The following MARCHF1 variants were observed in gnomAD, a reference collection of about 807,000 sequenced individuals.
The protein encoded by MARCHF1 is E3 ubiquitin-protein ligase MARCHF1.
A neutral mutation model predicts 54.2 loss-of-function variants in MARCHF1; 40 were observed. The ratio of observed to expected loss-of-function variants is 0.74; its 90% CI spans 0.57 to 0.96. The LOEUF (loss-of-function observed/expected upper bound fraction) is 0.96. Among genes scored for constraint, MARCHF1 ranks in the 40% least tolerant of loss-of-function variants. The pLI is 0.00. For synonymous variants in MARCHF1, 236 were observed against 236.3 expected (o/e 1.00, Z 0.01); for missense variants, 586 against 656.5 (o/e 0.89, Z 1.17).
intron 4 of MARCHF1, among the ~76,000 whole-genome samples, chr4:163,844,028 A>C (rs1399959153): frequency 1.3e-5 from 2 of 152,014 alleles, no homozygotes; most frequent in African/African-American, 4.8e-5. Flanking sequence ...GTTTTGTTAC[A>C]TAGCTACACT....
At chr4:163,680,506 CTCCCTGG>C (rs1744067879) in intron 5 of MARCHF1, among the ~76,000 whole-genome samples, 1 of 152,234 alleles carries the variant, frequency 6.6e-6, no homozygotes, top group African/African-American at 2.4e-5. Flanking sequence ...GGGGAATCTG[CTCCCTGG>C]AACACCAGCT....
At chr4:163,608,790 T>C (rs1472264921) in intron 7 of MARCHF1, among the ~76,000 whole-genome samples, 1 of 151,910 alleles carries the variant, frequency 6.6e-6, no homozygotes, top group Non-Finnish European at 1.5e-5. Flanking sequence ...TTTTTTGTGG[T>C]TGTGGCTGAG....
At chr4:164,324,955 A>C (rs768157763) in intron 1 of MARCHF1, among the ~76,000 whole-genome samples, 22 of 152,046 alleles carry the variant, frequency 1.4e-4, no homozygotes, top group Non-Finnish European at 2.2e-4. Flanking sequence ...ACGGAAGTTC[A>C]TATGAAAAAA....
At chr4:164,370,710 A>C (rs1024543368) in intron 1 of MARCHF1, among the ~76,000 whole-genome samples, 2 of 152,154 alleles carry the variant, frequency 1.3e-5, no homozygotes, top group African/African-American at 4.8e-5. Context: ...GGAGTTGGAG[A>C]CCAGCCTCAC....
rs191480529 is a variant in MARCHF1 at position 163,901,926 on chromosome 4, T to A, written c.-38-47757A>T. Among the ~76,000 whole-genome samples the A allele has an allele frequency of 4.1e-4, 62 of 152,302 alleles. 1 individual carries two copies. Among genetic ancestry groups the A allele is most frequent in the African/African-American group, 1.4e-3 (58 of 41,568 alleles). On this transcript the variant is annotated intron_variant, in intron 3 of 9. Coordinates refer to ENST00000514618, the MANE Select transcript of MARCHF1 (RefSeq NM_001394959.1). The stretch of plus-strand genomic sequence containing the variant: ...TGTTTAAAATTAATATGAAATAAAC[T>A]CCAAGTCTTGTGAATAATGGAATTA...
intron 2 of MARCHF1, among the ~76,000 whole-genome samples, chr4:164,001,770 A>G (rs1245505709): frequency 6.6e-6 from 1 of 151,888 alleles, no homozygotes; most frequent in Non-Finnish European, 1.5e-5. Flanking sequence ...GCAAAGAACC[A>G]GAGAGAAACG....
chr4:164,239,660 C>G lies in MARCHF1; in HGVS notation c.-322-127998G>C, dbSNP rs72987801. Among the ~76,000 whole-genome samples, 847 of 152,228 alleles carry G rather than the reference C, an allele frequency of 5.6e-3. 10 individuals carry two copies. The highest frequency in any genetic ancestry group is 0.02 in the African/African-American group (819 of 41,546). ...AATTTGAAAATGTCTGCTTACCCAT[C>G]TAAATGATGGACCCATCAACATTTC... On this transcript the variant is annotated intron_variant, in intron 1 of 9. Coordinates refer to ENST00000514618, the MANE Select transcript of MARCHF1 (RefSeq NM_001394959.1).
intron 5 of MARCHF1, among the ~76,000 whole-genome samples, chr4:163,670,808 GT>G (rs1743711261): frequency 6.6e-6 from 1 of 152,126 alleles, no homozygotes; most frequent in Non-Finnish European, 1.5e-5. Flanking sequence ...AAACACAAAT[GT>G]TTTTATTTTG....
rs374872263 is a variant in MARCHF1, at chr4:163,904,763, A to AGAGAGAC, written c.-38-50595_-38-50594insGTCTCTC. The stretch of plus-strand genomic sequence containing the variant: ...TTCAGTATGGTTTCCAGGAGAGAGA[A>AGAGAGAC]AGAGACAGAGACAGAGACAGAGAGA... On this transcript the variant is annotated intron_variant, in intron 3 of 9. Coordinates refer to ENST00000514618, the MANE Select transcript of MARCHF1 (RefSeq NM_001394959.1). 1.2e-3 allele frequency among the ~76,000 whole-genome samples: 188 copies of AGAGAGAC among 151,584 alleles called. 2 individuals are homozygous for AGAGAGAC. Among genetic ancestry groups the AGAGAGAC allele is most frequent in the East Asian group, 8.8e-3 (45 of 5,106 alleles).
intron 4 of MARCHF1, among the ~76,000 whole-genome samples, chr4:163,817,574 T>C (rs981244406): frequency 3.3e-5 from 5 of 151,944 alleles, no homozygotes; most frequent in African/African-American, 1.2e-4. Context: ...TTTCACACAA[T>C]TATAAACCAC....
chr4:164,018,990 G>C (rs1753605240), intron 2 of MARCHF1, among the ~76,000 whole-genome samples: 2 of 152,132 alleles, frequency 1.3e-5, no homozygotes, highest in Non-Finnish European at 2.9e-5. Context: ...GAAAGTGTTT[G>C]TCTCTTATTT....
chr4:163,930,899 G>A (rs978860817), intron 3 of MARCHF1, among the ~76,000 whole-genome samples: 1 of 152,052 alleles, frequency 6.6e-6, no homozygotes, highest in Admixed American at 6.6e-5. Flanking sequence ...TTGGGGGGTG[G>A]CAGGTGCAGA....
intron 3 of MARCHF1, among the ~76,000 whole-genome samples, chr4:163,955,136 G>C (rs1752205564): frequency 6.7e-6 from 1 of 150,344 alleles, no homozygotes; most frequent in Admixed American, 6.7e-5. Context: ...ATTTACTTTT[G>C]GGGAGGGATA....
chr4:164,044,354 C>T lies in MARCHF1; in HGVS notation c.-247-55645G>A, dbSNP rs558433555. ...TTACAAATCATGGCAGAAGGGCAAA[C>T]GGGAAGATATCATGTCCTCACGTGG... On this transcript the variant is annotated intron_variant, in intron 2 of 9. Transcript: ENST00000514618. Among the ~76,000 whole-genome samples, 953 of 152,102 alleles carry T rather than the reference C, an allele frequency of 6.3e-3. 15 individuals are homozygous for T. Among genetic ancestry groups the T allele is most frequent in the Non-Finnish European group, 6.5e-3 (442 of 67,996 alleles).
At chr4:163,556,544 T>C (rs1739292303) in intron 8 of MARCHF1, among the ~76,000 whole-genome samples, 1 of 132,354 alleles carries the variant, frequency 7.6e-6, no homozygotes, top group Non-Finnish European at 1.8e-5. Flanking sequence ...TTTAATGTAA[T>C]TGAGTTGATT....
chr4:164,130,749 T>A (rs1309221354), intron 1 of MARCHF1, among the ~76,000 whole-genome samples: 1 of 152,156 alleles, frequency 6.6e-6, no homozygotes, highest in Non-Finnish European at 1.5e-5. Flanking sequence ...TGTGAACAGA[T>A]CCCAGCTCTG....
intron 4 of MARCHF1, among the ~76,000 whole-genome samples, chr4:163,718,859 C>T (rs930643642): frequency 3.3e-5 from 5 of 152,140 alleles, no homozygotes; most frequent in African/African-American, 9.7e-5. Flanking sequence ...GATATTGTTC[C>T]AGCCGTAGGT....
At chr4:164,156,469 G>A (rs949922317) in intron 1 of MARCHF1, among the ~76,000 whole-genome samples, 3 of 152,004 alleles carry the variant, frequency 2.0e-5, no homozygotes, top group Admixed American at 2.0e-4. Context: ...TGTTGCTCAG[G>A]CTGGAGTGCA....
At chr4:164,130,880 C>T (rs1395611374) in intron 1 of MARCHF1, among the ~76,000 whole-genome samples, 1 of 152,104 alleles carries the variant, frequency 6.6e-6, no homozygotes. Context: ...TTTCTCTTCC[C>T]ATTACATGTT....
Sources: allele counts gnomAD v4.1 joint callset (sites outside exome capture counted in the v4.1 genomes callset), GRCh38; gene constraint gnomAD v4.1.1; transcripts MANE v1.5; gene names NCBI Gene and HGNC (gene_info 2026-07-23, HGNC 2026-07-21).